The following RARS1 variants were observed in gnomAD, a reference collection of about 807,000 sequenced individuals.
The protein encoded by RARS1 is arginyl-tRNA synthetase 1, also known as arginine--tRNA ligase, cytoplasmic.
A neutral mutation model predicts 78.7 loss-of-function variants in RARS1; 75 were observed. The observed-to-expected ratio is 0.95, with a 90% CI of 0.79 to 1.15. The LOEUF (loss-of-function observed/expected upper bound fraction) is 1.15, where lower values mean the gene tolerates loss of function less well. Among genes scored for constraint, RARS1 ranks in the 50% most tolerant of loss-of-function variants. The pLI is 0.00. For missense variants in RARS1, 787 were observed against 787.5 expected (o/e 1.00, Z 0.01); for synonymous variants, 273 against 268.2 (o/e 1.02, Z -0.18).
At chr5:168,501,347 C>G (rs1026260704) in intron 8 of RARS1, among the ~76,000 whole-genome samples, 1 of 151,626 alleles carries the variant, frequency 6.6e-6, no homozygotes, top group Non-Finnish European at 1.5e-5. Context: ...CAGGAAAAAC[C>G]AGAAGAAAAT....
chr5:168,508,103 A>G (rs1758487025), intron 11 of RARS1, among the ~76,000 whole-genome samples: 1 of 152,188 alleles, frequency 6.6e-6, no homozygotes, highest in East Asian at 1.9e-4. Context: ...AAAACAAACC[A>G]GTAAGTTGAT....
chr5:168,495,762 T>G (rs573753733), intron 6 of RARS1, among the ~76,000 whole-genome samples: 1 of 152,304 alleles, frequency 6.6e-6, no homozygotes, highest in South Asian at 2.1e-4. Context: ...CAGGTTGTTT[T>G]GGGCCTTGTA....
rs565829773 is a variant in RARS1, at chr5:168,497,455, T to G, written c.822+107T>G. On this transcript the variant is annotated intron_variant, in intron 7 of 14. Transcript: ENST00000231572. ...TTTTTAAAGCTACTATGGAGTTAAG[T>G]GAAAGTTGCTAACAGCCTTAGTAAT... is the stretch of plus-strand genomic sequence containing the variant. 8 of 947,058 alleles carry G rather than the reference T, an allele frequency of 8.4e-6. No individual in the cohort carries two copies. The Admixed American group carries it at 1.5e-4, about 18-fold the overall frequency. The allele number at this position is 947,058 out of a possible 1,614,324, so 58.7% of individuals were successfully genotyped here.
At chr5:168,515,862 G>A (rs1758656677) in intron 12 of RARS1, among the ~76,000 whole-genome samples, 2 of 152,132 alleles carry the variant, frequency 1.3e-5, no homozygotes, top group African/African-American at 2.4e-5. Flanking sequence ...CTTGCCTTGT[G>A]CATGCCAGCC....
At chr5:168,502,380 A>G (rs1054488168) in intron 9 of RARS1, among the ~76,000 whole-genome samples, 1 of 98,100 alleles carries the variant, frequency 1.0e-5, no homozygotes, top group African/African-American at 4.6e-5. Context: ...ATATATATAT[A>G]TATATTTTTT....
rs963849645 is a variant in RARS1 at position 168,519,201 on chromosome 5, G to T, written c.*11G>T. The T allele has an allele frequency of 6.3e-7, 1 of 1,596,242 alleles. No homozygotes were observed. The highest frequency in any genetic ancestry group is 1.3e-5 in the African/African-American group (1 of 74,526). ...GTCCAAAGGATGTAATCCTTCATAG[G>T]TTTGAACACTGTGTGTTTTTACCAA... On this transcript the variant is annotated 3_prime_UTR_variant, in exon 15 of 15. Transcript: ENST00000231572.
intron 5 of RARS1, chr5:168,495,074 A>G: frequency 1.7e-6 from 1 of 602,312 alleles, no homozygotes; most frequent in Non-Finnish European, 2.5e-6. Context: ...TCACTGAAAT[A>G]GAATGGATAA....
At chr5:168,515,726 C>CA (rs1758652588) in intron 12 of RARS1, among the ~76,000 whole-genome samples, 1 of 152,208 alleles carries the variant, frequency 6.6e-6, no homozygotes, top group South Asian at 2.1e-4. Context: ...GGCCATACTT[C>CA]AATGGCGTGT....
rs143403770 is a variant in RARS1, at chr5:168,486,612, G to A, written c.45+69G>A. The stretch of plus-strand genomic sequence containing the variant: ...GCAGGCTCTGACTCCTGCCCAAGCG[G>A]CTTCGGGGGCGGGACAGCTAGGCGA... On this transcript the variant is annotated intron_variant, in intron 1 of 14. Coordinates refer to ENST00000231572, the MANE Select transcript of RARS1 (RefSeq NM_002887.4). 22 of 1,514,424 alleles carry A rather than the reference G, an allele frequency of 1.5e-5. No homozygotes were observed. The African/African-American group carries it at 2.2e-4, about 15-fold the overall frequency. The allele number at this position is 1,514,424 out of a possible 1,614,324, so 93.8% of individuals were successfully genotyped here.
chr5:168,489,635 G>A (rs900373893), intron 2 of RARS1, among the ~76,000 whole-genome samples: 10 of 151,864 alleles, frequency 6.6e-5, no homozygotes, highest in Non-Finnish European at 1.3e-4. Context: ...CCTGCCTTTC[G>A]TATTTGGTGA....
intron 11 of RARS1, among the ~76,000 whole-genome samples, chr5:168,509,474 T>C (rs965630744): frequency 7.1e-6 from 1 of 141,614 alleles, no homozygotes; most frequent in Non-Finnish European, 1.5e-5. Flanking sequence ...AAAATGATAT[T>C]ATATCCTTGG....
intron 4 of RARS1, chr5:168,494,327 GA>G: frequency 4.1e-6 from 4 of 985,430 alleles, no homozygotes; most frequent in Non-Finnish European, 4.8e-6. Context: ...TGCTGAAAGT[GA>G]AAGGGCCCTG....
At position 168,495,321 on chromosome 5, in the gene RARS1, G is replaced by A; in HGVS notation, c.586G>A (p.Val196Ile). The A allele has an allele frequency of 6.2e-7, 1 of 1,613,610 alleles. No homozygotes were observed. The highest frequency in any genetic ancestry group is 8.5e-7 in the Non-Finnish European group (1 of 1,179,708). Reference sequence around the variant, plus strand: ...CTCTTTTTGTCTACCCCAGGTTATAGTTGACTTTTCCTCCCCTAATATAGC... The same window carrying A: ...CTCTTTTTGTCTACCCCAGGTTATAATTGACTTTTCCTCCCCTAATATAGC... ...PALGENKKVIVDFSSPNIAKE... is the reference protein window; with the variant it reads ...PALGENKKVIIDFSSPNIAKE... The change falls in exon 6 of 15, where the codon GTT becomes ATT. Residue 196 changes from valine to isoleucine, a missense_variant. Transcript: ENST00000231572.
In RARS1 at chr5:168,506,712, T is replaced by G; in HGVS notation, c.1237-10T>G. 1 of 1,587,576 alleles carries G rather than the reference T, an allele frequency of 6.3e-7. No homozygotes were observed. Among genetic ancestry groups the G allele is most frequent in the Non-Finnish European group, 8.6e-7 (1 of 1,164,752 alleles). Reference sequence around the variant, plus strand: ...GAAGACTAGCAAGTAACTTTCCGTTTCTGTTGTAGTCTGTGCACTTCCAGA... The same window carrying G: ...GAAGACTAGCAAGTAACTTTCCGTTGCTGTTGTAGTCTGTGCACTTCCAGA... On this transcript the variant is annotated splice_polypyrimidine_tract_variant and intron_variant, in intron 10 of 14. Transcript: ENST00000231572.
chr5:168,489,434 A>G (rs1400906755), intron 2 of RARS1, among the ~76,000 whole-genome samples: 7 of 152,048 alleles, frequency 4.6e-5, no homozygotes, highest in Admixed American at 3.9e-4. Flanking sequence ...ACACCTGCAT[A>G]TTTTCTCTGC....
rs577953873 is a variant in RARS1, at chr5:168,519,189, A to C, written c.1982A>C (p.Ter661SerextTer?). Residue 661 changes from the stop codon to serine, a stop_lost, in exon 15 of 15, where the codon TAA (stop) becomes TCA (serine). Coordinates refer to ENST00000231572, the MANE Select transcript of RARS1 (RefSeq NM_002887.4). ...GGAATAAAACCTGTCCAAAGGATGT[A>C]ATCCTTCATAGGTTTGAACACTGTG... ...ILGIKPVQRM[*>S] The C allele has an allele frequency of 6.2e-7, 1 of 1,605,358 alleles. No homozygotes were observed. Among genetic ancestry groups the C allele is most frequent in the African/African-American group, 1.3e-5 (1 of 74,836 alleles).
At chr5:168,488,453 G>A in intron 1 of RARS1, 149 bp from the exon 2 acceptor site, 1 of 880,582 alleles carries the variant, frequency 1.1e-6, no homozygotes, top group Non-Finnish European at 1.7e-6. Context: ...AGGATAATAT[G>A]CTAACGTCAG....
Position 168,500,700 on chromosome 5 carries a change from T to G in RARS1, c.932T>G (p.Ile311Ser). Residue 311 changes from isoleucine (I) to serine (S), a missense_variant, in exon 8 of 15, where the codon ATC becomes AGC. Ile to Ser is a moderately radical substitution (Grantham distance 142). Transcript: ENST00000231572. ...NPDITKAWKLICDVSRQELNK... is the reference protein window; with the variant it reads ...NPDITKAWKLSCDVSRQELNK... Reference sequence around the variant, plus strand: ...GATATTACAAAAGCTTGGAAGCTTATCTGTGATGTCTCCCGCCAAGGTGAG... The same window carrying G: ...GATATTACAAAAGCTTGGAAGCTTAGCTGTGATGTCTCCCGCCAAGGTGAG... 6.2e-6 allele frequency: 10 copies of G among 1,611,382 alleles called. No individual in the cohort carries two copies. The highest frequency in any genetic ancestry group is 8.5e-6 in the Non-Finnish European group (10 of 1,179,268).
rs747777615 is a variant in RARS1, at chr5:168,518,071, CTTTTTTTTTTTTT to C, written c.1873+21_1873+33del. 68 of 748,130 alleles carry C rather than the reference CTTTTTTTTTTTTT, an allele frequency of 9.1e-5. 2 individuals carry two copies. The highest frequency in any genetic ancestry group is 7.0e-4 in the Middle Eastern group (1 of 1,428). The allele number at this position is 748,130 out of a possible 1,614,324, so 46.3% of individuals were successfully genotyped here. ...GAAAGATAGACAGACTGGTGAGTGT[CTTTTTTTTTTTTT>C]TTTTTTTTTTTAGTGAGAGACACGG... On this transcript the variant is annotated intron_variant, in intron 14 of 14. Transcript: ENST00000231572.
Sources: gnomAD v4.1 joint callset for allele counts (sites outside exome capture counted in the v4.1 genomes callset) on GRCh38, gnomAD v4.1.1 for gene constraint, MANE v1.5 for transcripts, NCBI Gene and HGNC (gene_info 2026-07-23, HGNC 2026-07-21) for gene names.